Variants in MSRA observed in about 807,000 individuals in gnomAD.
MSRA encodes methionine sulfoxide reductase A, also known as mitochondrial peptide methionine sulfoxide reductase.
In MSRA, 54 loss-of-function variants were observed where a neutral mutation model predicts 31.3. The observed-to-expected ratio is 1.73, with a 90% CI of 1.39 to 2.17. MSRA has a LOEUF of 2.17. Ranked by LOEUF, MSRA falls within the 30% of genes most tolerant of loss-of-function variation. The pLI is 0.00. For synonymous variants in MSRA, 169 were observed against 116.5 expected (o/e 1.45, Z -2.90); for missense variants, 507 against 300.9 (o/e 1.69, Z -5.07).
intron 1 of MSRA, among the ~76,000 whole-genome samples, chr8:10,072,779 G>T (rs79521123): frequency 6.6e-6 from 1 of 152,052 alleles, no homozygotes; most frequent in African/African-American, 2.4e-5. Flanking sequence ...TTTCATCAGC[G>T]TTTTGTAATT....
At chr8:10,171,700 A>G (rs1282043961) in intron 1 of MSRA, among the ~76,000 whole-genome samples, 1 of 152,248 alleles carries the variant, frequency 6.6e-6, no homozygotes, top group African/African-American at 2.4e-5. Context: ...TAAATCATCA[A>G]CTCAACCATG....
intron 5 of MSRA, among the ~76,000 whole-genome samples, chr8:10,421,010 C>A (rs760862321): frequency 1.3e-5 from 2 of 152,070 alleles, no homozygotes; most frequent in African/African-American, 4.8e-5. Flanking sequence ...AAACAAACCA[C>A]CACCAAAAAC....
intron 1 of MSRA, among the ~76,000 whole-genome samples, chr8:10,140,372 A>G (rs1802602577): frequency 6.6e-6 from 1 of 152,170 alleles, no homozygotes; most frequent in Non-Finnish European, 1.5e-5. Context: ...ACAGTGCCAT[A>G]TTTTCAGGTA....
At chr8:10,322,750 A>G (rs1433882322) in intron 5 of MSRA, among the ~76,000 whole-genome samples, 1 of 152,156 alleles carries the variant, frequency 6.6e-6, no homozygotes, top group African/African-American at 2.4e-5. Flanking sequence ...ATATTTGCTA[A>G]ATGAAACCCC....
chr8:10,385,282 G>T (rs1806316483), intron 5 of MSRA, among the ~76,000 whole-genome samples: 1 of 152,212 alleles, frequency 6.6e-6, no homozygotes, highest in African/African-American at 2.4e-5. Flanking sequence ...CGATACTGAA[G>T]TTGGGGGGAT....
At chr8:10,096,894 A>G (rs951807564) in intron 1 of MSRA, among the ~76,000 whole-genome samples, 2 of 152,184 alleles carry the variant, frequency 1.3e-5, no homozygotes, top group Admixed American at 6.6e-5. Flanking sequence ...ATGACTTCCT[A>G]TAATCATGTA....
At chr8:10,242,155 C>T (rs533172602) in intron 2 of MSRA, among the ~76,000 whole-genome samples, 5 of 152,026 alleles carry the variant, frequency 3.3e-5, no homozygotes, top group African/African-American at 1.2e-4. Flanking sequence ...CTTGTAATCT[C>T]AGCTACTAGG....
intron 1 of MSRA, among the ~76,000 whole-genome samples, chr8:10,070,127 A>G (rs1032588815): frequency 3.3e-5 from 5 of 152,200 alleles, no homozygotes; most frequent in Non-Finnish European, 7.3e-5. Flanking sequence ...TTCTGTGATG[A>G]TGAATACTTT....
intron 4 of MSRA, among the ~76,000 whole-genome samples, chr8:10,304,765 G>C (rs905592366): frequency 6.6e-6 from 1 of 152,216 alleles, no homozygotes; most frequent in Non-Finnish European, 1.5e-5. Context: ...CACTAGAGAA[G>C]ATGAGGGTGG....
At chr8:10,172,577 T>C (rs893190580) in intron 1 of MSRA, among the ~76,000 whole-genome samples, 2 of 152,092 alleles carry the variant, frequency 1.3e-5, no homozygotes, top group African/African-American at 4.8e-5. Context: ...ATATTTGACC[T>C]AAAAATAAAA....
rs1422950786 is a variant in MSRA at position 10,423,934 on chromosome 8, A to ATTCATTCATTC, written c.544-4214_544-4213insTTCATTCATTC. ...TCATTCATTCATTCATTCATTCATT[A>ATTCATTCATTC]ATTGCACACAGTGCACAAAGCCCCG... On this transcript the variant is annotated intron_variant, in intron 5 of 5. Coordinates refer to ENST00000317173, the MANE Select transcript of MSRA (RefSeq NM_012331.5). Among the ~76,000 whole-genome samples the ATTCATTCATTC allele has an allele frequency of 2.4e-4, 37 of 151,870 alleles. No homozygotes were observed. In the East Asian group the frequency reaches 5.2e-3, roughly 21 times the overall value.
At chr8:10,107,696 T>A (rs894283896) in intron 1 of MSRA, among the ~76,000 whole-genome samples, 16 of 152,194 alleles carry the variant, frequency 1.1e-4, no homozygotes, top group African/African-American at 3.6e-4. Context: ...AGAGCTTTCG[T>A]CATTTTCTTA....
At chr8:10,099,341 T>G (rs1469673837) in intron 1 of MSRA, among the ~76,000 whole-genome samples, 1 of 152,146 alleles carries the variant, frequency 6.6e-6, no homozygotes. Flanking sequence ...CTGAGGTCAT[T>G]CAGCAGATAC....
chr8:10,284,832 TAGTTG>T, intron 3 of MSRA, among the ~76,000 whole-genome samples: 2 of 152,282 alleles, frequency 1.3e-5, no homozygotes, highest in Non-Finnish European at 2.9e-5. Flanking sequence ...ATGGGAGAAT[TAGTTG>T]AGTTAGTATA....
chr8:10,176,662 C>T (rs1183250209), intron 1 of MSRA, among the ~76,000 whole-genome samples: 1 of 152,172 alleles, frequency 6.6e-6, no homozygotes, highest in African/African-American at 2.4e-5. Flanking sequence ...AGAAATTTGA[C>T]CCAAGATACT....
At chr8:10,186,843 A>G (rs933311809) in intron 1 of MSRA, among the ~76,000 whole-genome samples, 21 of 152,214 alleles carry the variant, frequency 1.4e-4, no homozygotes, top group African/African-American at 5.1e-4. Flanking sequence ...TAAAACCTAT[A>G]TGTCATTTGT....
In MSRA at chr8:10,267,999, C is replaced by A. The variant is rs141031402; in HGVS notation, c.331+22776C>A. 7.2e-4 allele frequency among the ~76,000 whole-genome samples: 110 copies of A among 152,318 alleles called. No individual in the cohort carries two copies. The East Asian group carries it at 0.014, about 19-fold the overall frequency. On this transcript the variant is annotated intron_variant, in intron 3 of 5. Coordinates refer to ENST00000317173, the MANE Select transcript of MSRA (RefSeq NM_012331.5). ...CTTGCATATTTCCCTCATTGCATGT[C>A]CTGCGTCACAATGATGGCTTTGCTC...
intron 5 of MSRA, among the ~76,000 whole-genome samples, chr8:10,416,488 C>G (rs1808467663): frequency 1.3e-5 from 2 of 152,200 alleles, no homozygotes; most frequent in African/African-American, 4.8e-5. Flanking sequence ...GGTGTTGGAG[C>G]CATCACTGGC....
intron 1 of MSRA, among the ~76,000 whole-genome samples, chr8:10,115,476 G>A (rs1025363829): frequency 1.3e-5 from 2 of 152,188 alleles, no homozygotes; most frequent in Non-Finnish European, 2.9e-5. Flanking sequence ...CCAGCACCTC[G>A]ATGTTTGGAC....
Sources: gnomAD v4.1 joint callset for allele counts (sites outside exome capture counted in the v4.1 genomes callset) on GRCh38, gnomAD v4.1.1 for gene constraint, MANE v1.5 for transcripts, NCBI Gene and HGNC (gene_info 2026-07-23, HGNC 2026-07-21) for gene names.